The following IFT140 variants were observed in gnomAD, a reference collection of about 807,000 sequenced individuals.
IFT140 encodes the protein intraflagellar transport 140, also known as intraflagellar transport protein 140 homolog.
IFT140 carries 133 observed loss-of-function variants against 164.6 expected under a neutral mutation model. The observed-to-expected ratio is 0.81, with a 90% CI of 0.70 to 0.93. The LOEUF is 0.93. Ranked by LOEUF, IFT140 falls within the 40% of genes least tolerant of loss-of-function variation. IFT140 has a pLI of 0.00. For synonymous variants in IFT140, 860 were observed against 817.3 expected (o/e 1.05, Z -0.89); for missense variants, 2,045 against 1,972.3 (o/e 1.04, Z -0.70).
At chr16:1,587,139 C>G in intron 9 of IFT140, 59 bp downstream of exon 9, 1 of 1,062,122 alleles carries the variant, frequency 9.4e-7, no homozygotes. Flanking sequence ...TATTTTGCAG[C>G]CGGCGCACAA....
Position 1,553,482 on chromosome 16 carries a change from C to T in IFT140, c.2399+4453G>A. On this transcript the variant is annotated intron_variant, in intron 19 of 30. Coordinates refer to ENST00000426508, the MANE Select transcript of IFT140 (RefSeq NM_014714.4). The surrounding 1 kb of genome is among the most constrained non-coding windows in gnomAD (Gnocchi z 4.4). ...TCAACATGCAGGCCAGGCGGAGGGA[C>T]AGCAGTGGGGCTCGGCGTGGCCGGA... 4.1e-6 allele frequency: 4 copies of T among 985,448 alleles called. 1 individual carries two copies. The highest frequency in any genetic ancestry group is 4.8e-6 in the Non-Finnish European group (4 of 829,936). 61.0% of individuals were successfully genotyped at this position (985,448 alleles called of 1,614,324 possible).
At chr16:1,537,168 G>A (rs1329482759) in intron 19 of IFT140, among the ~76,000 whole-genome samples, 1 of 152,250 alleles carries the variant, frequency 6.6e-6, no homozygotes, top group Non-Finnish European at 1.5e-5. Context: ...AACCAGTCTA[G>A]GGTCGGGGTG....
At chr16:1,518,972 G>C (rs2040442367) in intron 29 of IFT140, among the ~76,000 whole-genome samples, 1 of 152,132 alleles carries the variant, frequency 6.6e-6, no homozygotes, top group Non-Finnish European at 1.5e-5. Context: ...TTCCAGACAG[G>C]CGCCTGGCCT....
intron 21 of IFT140, 92 bp downstream of exon 21, chr16:1,525,795 T>G: frequency 7.7e-7 from 1 of 1,295,556 alleles, no homozygotes; most frequent in Non-Finnish European, 1.0e-6. Context: ...TCTAAGAACC[T>G]CCCTGGCCAC....
At position 1,525,897 on chromosome 16, in the gene IFT140, C is replaced by A. The variant is rs566450108; in HGVS notation, c.2758G>T (p.Ala920Ser). The A allele has an allele frequency of 7.8e-6, 12 of 1,545,672 alleles. No individual in the cohort carries two copies. The East Asian group carries it at 2.4e-4, about 31-fold the overall frequency. Residue 920 changes from alanine (A) to serine (S), a missense_variant, in exon 21 of 31, where the codon GCC becomes TCC. Physicochemically the swap from Ala to Ser is moderately conservative, Grantham distance 99 (BLOSUM62 1). Coordinates refer to ENST00000426508, the MANE Select transcript of IFT140 (RefSeq NM_014714.4). ...GAGGGCCGCACTCACTAACTGAGGGCCCGGCTGCAGTCGGCGCTGGCCTCC... is the reference window on the plus strand; with the variant it reads ...GAGGGCCGCACTCACTAACTGAGGGACCGGCTGCAGTCGGCGCTGGCCTCC... ...HLEASADCSR[A>S]LSYYEKSDTH...
At chr16:1,600,616 C>T (rs939047327) in intron 4 of IFT140, among the ~76,000 whole-genome samples, 5 of 152,082 alleles carry the variant, frequency 3.3e-5, no homozygotes, top group East Asian at 3.9e-4. Context: ...AAAGAAGAGC[C>T]GGTTTAAAGA....
chr16:1,569,961 T>C lies in IFT140; in HGVS notation c.1652+1446A>G, dbSNP rs150725081. On this transcript the variant is annotated intron_variant, in intron 14 of 30. Transcript: ENST00000426508. Reference sequence around the variant, plus strand: ...CACCGCATCTGGCCTGCTTTATTTATTTTGTTGCTCCAATTATTCCAGCTT... The same window carrying C: ...CACCGCATCTGGCCTGCTTTATTTACTTTGTTGCTCCAATTATTCCAGCTT... 4.6e-5 allele frequency among the ~76,000 whole-genome samples: 7 copies of C among 152,268 alleles called. No individual in the cohort carries two copies. In the East Asian group the frequency reaches 1.4e-3, roughly 29 times the overall value.
Position 1,592,226 on chromosome 16 carries a change from A to G in IFT140, c.584T>C (p.Leu195Pro), listed in dbSNP as rs764851284. The change falls in exon 6 of 31, where the codon CTG becomes CCG. Residue 195 changes from leucine (L) to proline (P), a missense_variant. Leu to Pro is a moderately conservative substitution (Grantham distance 98, BLOSUM62 -3). Transcript: ENST00000426508. ...NWKKSSSGSL[L>P]KMGSHEGLLF... ...CAGCCCCTCGTGAGACCCCATCTTC[A>G]GCAAACTTCCAGAACTGCTCTTCTT... The G allele has an allele frequency of 3.7e-6, 6 of 1,614,208 alleles. No individual in the cohort carries two copies. The highest frequency in any genetic ancestry group is 3.3e-4 in the Middle Eastern group (2 of 6,062).
rs866981047 is a variant in IFT140 at position 1,516,178 on chromosome 16, A to C, written c.4182+2038T>G. ...AAAAAAAAAAAAAAAAAAAAAAAAA[A>C]CACCAGAAATGGATGGTAAATATGT... is the stretch of plus-strand genomic sequence containing the variant. On this transcript the variant is annotated intron_variant, in intron 30 of 30. Coordinates refer to ENST00000426508, the MANE Select transcript of IFT140 (RefSeq NM_014714.4). 1.7e-4 allele frequency among the ~76,000 whole-genome samples: 10 copies of C among 59,212 alleles called. 1 individual carries two copies. Among genetic ancestry groups the C allele is most frequent in the Middle Eastern group, 8.3e-3 (1 of 120 alleles). The allele number at this position is 59,212 out of a possible 152,430, so 38.8% of individuals were successfully genotyped here.
chr16:1,610,530 G>C (rs919901667), intron 2 of IFT140, 134 bp downstream of exon 2: 1 of 152,764 alleles, frequency 6.5e-6, no homozygotes, highest in South Asian at 2.1e-4. Flanking sequence ...GGGGCCGCGG[G>C]GACTCGGCGG....
intron 13 of IFT140, chr16:1,580,480 C>T (rs1034396339): frequency 3.1e-6 from 1 of 324,464 alleles, no homozygotes; most frequent in Non-Finnish European, 5.8e-6. Flanking sequence ...CTCTCTTCCT[C>T]CTGCTCCGGC....
At chr16:1,525,193 T>C (rs1412670863) in intron 22 of IFT140, 38 bp downstream of exon 22, 3 of 1,500,616 alleles carry the variant, frequency 2.0e-6, no homozygotes, top group Non-Finnish European at 2.8e-6. Context: ...ACCTCCAGGA[T>C]GGAGTGCGGT....
intron 19 of IFT140, among the ~76,000 whole-genome samples, chr16:1,549,590 C>T (rs1307553772): frequency 1.3e-5 from 2 of 152,234 alleles, no homozygotes; most frequent in East Asian, 3.9e-4. Context: ...CGCCACCACG[C>T]CCGGCTAATT....
chr16:1,594,355 G>T (rs1366674565), intron 4 of IFT140, among the ~76,000 whole-genome samples: 1 of 151,990 alleles, frequency 6.6e-6, no homozygotes, highest in Non-Finnish European at 1.5e-5. Flanking sequence ...CGAGTAGCTG[G>T]GAATACAGAT....
intron 2 of IFT140, among the ~76,000 whole-genome samples, chr16:1,608,422 A>G (rs1002808775): frequency 6.6e-6 from 1 of 152,056 alleles, no homozygotes; most frequent in South Asian, 2.1e-4. Context: ...TGAGCTTAGG[A>G]GTTCGAGACC....
At chr16:1,584,580 T>C (rs562869800) in intron 10 of IFT140, among the ~76,000 whole-genome samples, 160 bp from the exon 11 acceptor site, 1 of 152,146 alleles carries the variant, frequency 6.6e-6, no homozygotes, top group South Asian at 2.1e-4. Context: ...ATAAGAAAAG[T>C]CTTATAAAGG....
intron 6 of IFT140, 150 bp downstream of exon 6, chr16:1,592,026 G>T: frequency 1.2e-6 from 1 of 810,524 alleles, no homozygotes; most frequent in Non-Finnish European, 1.9e-6. Context: ...AGTGGCTGCG[G>T]CACTCCGCCT....
At chr16:1,521,322 T>A (rs2040520408) in intron 26 of IFT140, among the ~76,000 whole-genome samples, 1 of 152,046 alleles carries the variant, frequency 6.6e-6, no homozygotes, top group African/African-American at 2.4e-5. Context: ...TGCCTTAGCC[T>A]CCCAAAGTGC....
Position 1,558,533 on chromosome 16 carries a change from C to T in IFT140, c.2200-399G>A, listed in dbSNP as rs547665952. ...AGGCCCCGCATGGCACAGGGAGGGACGCGGCTGTGGGCCCAGTGTGGGAGC... is the reference window on the plus strand; with the variant it reads ...AGGCCCCGCATGGCACAGGGAGGGATGCGGCTGTGGGCCCAGTGTGGGAGC... On this transcript the variant is annotated intron_variant, in intron 18 of 30. Transcript: ENST00000426508. Among the ~76,000 whole-genome samples the T allele has an allele frequency of 1.7e-3, 256 of 152,346 alleles. 3 individuals are homozygous for T. The highest frequency in any genetic ancestry group is 1.9e-3 in the African/African-American group (78 of 41,590).
Sources: gnomAD v4.1 joint callset for allele counts (sites outside exome capture counted in the v4.1 genomes callset) on GRCh38, gnomAD v4.1.1 for gene constraint, Gnocchi (gnomAD v3.1) non-coding constraint, MANE v1.5 for transcripts, NCBI Gene and HGNC (gene_info 2026-07-23, HGNC 2026-07-21) for gene names.